Variants in GTF2H5 observed in about 807,000 individuals in gnomAD.
GTF2H5 encodes the protein TFB5 ortholog.
Under a neutral mutation model 7.1 loss-of-function variants are expected in GTF2H5, and 5 were observed. That is an observed-to-expected ratio of 0.71 (90% CI 0.37 to 1.49). GTF2H5 has a LOEUF of 1.49. Among genes scored for constraint, GTF2H5 ranks in the 40% most tolerant of loss-of-function variants. The pLI, the probability that GTF2H5 is intolerant of heterozygous loss-of-function variation, is 0.03. For missense variants in GTF2H5, 80 were observed against 83.0 expected (o/e 0.96, Z 0.14); for synonymous variants, 30 against 31.7 (o/e 0.95, Z 0.18).
chr6:158,169,580 T>TATATAATATATTGTATATTAC (rs1785765423), intron 1 of GTF2H5, among the ~76,000 whole-genome samples: 3 of 47,998 alleles, frequency 6.3e-5, no homozygotes, highest in Non-Finnish European at 1.0e-4. Flanking sequence ...TTGTATATTA[T>TATATAATATATTGTATATTAC]ATATAATATA....
Position 158,192,298 on chromosome 6 carries a change from G to A in GTF2H5, c.*141G>A. The A allele has an allele frequency of 3.1e-6, 2 of 654,304 alleles. No homozygotes were observed. Among genetic ancestry groups the A allele is most frequent in the South Asian group, 1.7e-5 (1 of 58,140 alleles). The allele number at this position is 654,304 out of a possible 1,614,324, so 40.5% of individuals were successfully genotyped here. On this transcript the variant is annotated 3_prime_UTR_variant, in exon 3 of 3. Transcript: ENST00000607778. ...AAAGACTGAGGGATCATGATCATTT[G>A]TTCAGAAAAAAAGCCCCTGAACTGA...
At chr6:158,172,763 C>T (rs550438461) in intron 2 of GTF2H5, among the ~76,000 whole-genome samples, 91 of 152,218 alleles carry the variant, frequency 6.0e-4, no homozygotes, top group Middle Eastern at 3.4e-3. Flanking sequence ...TTCTTGTTGC[C>T]TATTCTAGAA....
chr6:158,176,495 G>A (rs778269251), intron 2 of GTF2H5, among the ~76,000 whole-genome samples: 2 of 152,146 alleles, frequency 1.3e-5, no homozygotes, highest in Non-Finnish European at 2.9e-5. Flanking sequence ...AAAATGCTGG[G>A]ATTACAGATG....
At chr6:158,179,339 G>T (rs1247227791) in intron 2 of GTF2H5, among the ~76,000 whole-genome samples, 3 of 152,084 alleles carry the variant, frequency 2.0e-5, no homozygotes, top group Non-Finnish European at 4.4e-5. Flanking sequence ...GCTCTTTTTT[G>T]GTTCCATATG....
At chr6:158,169,772 A>G (rs11758356) in intron 1 of GTF2H5, among the ~76,000 whole-genome samples, 7 of 53,952 alleles carry the variant, frequency 1.3e-4, no homozygotes, top group African/African-American at 2.8e-4. Flanking sequence ...TATTATATAT[A>G]ATATATTGTA....
At chr6:158,176,370 G>A (rs1785934012) in intron 2 of GTF2H5, among the ~76,000 whole-genome samples, 1 of 152,098 alleles carries the variant, frequency 6.6e-6, no homozygotes, top group South Asian at 2.1e-4. Context: ...GGGATTACAG[G>A]TGCCTGCCAC....
chr6:158,191,982 C>T lies in GTF2H5; in HGVS notation c.41C>T (p.Pro14Leu), dbSNP rs962907167. 2 of 1,613,304 alleles carry T rather than the reference C, an allele frequency of 1.2e-6. No individual in the cohort carries two copies. The highest frequency in any genetic ancestry group is 1.7e-6 in the Non-Finnish European group (2 of 1,179,390). ...VLKGVLIECDPAMKQFLLYLD... is the reference protein window; with the variant it reads ...VLKGVLIECDLAMKQFLLYLD... The stretch of plus-strand genomic sequence containing the variant: ...TCATGTGTTTGTCTTTACAGTGATC[C>T]TGCCATGAAGCAGTTTCTGCTGTAC... The change falls in exon 3 of 3, where the codon CCT (proline) becomes CTT (leucine). Residue 14 changes from proline (P) to leucine (L), a missense_variant. By Grantham distance (98) the Pro-to-Leu change is moderately conservative. Coordinates refer to ENST00000607778, the MANE Select transcript of GTF2H5 (RefSeq NM_207118.3).
chr6:158,176,981 G>T (rs1023907883), intron 2 of GTF2H5, among the ~76,000 whole-genome samples: 2 of 152,216 alleles, frequency 1.3e-5, no homozygotes, highest in Non-Finnish European at 2.9e-5. Context: ...CCCTGGGTGG[G>T]CCAGGTGTTC....
chr6:158,182,667 C>T (rs532207769), intron 2 of GTF2H5, among the ~76,000 whole-genome samples: 3 of 151,866 alleles, frequency 2.0e-5, no homozygotes, highest in South Asian at 2.1e-4. Context: ...TTGATCAAAT[C>T]GGCTATTGAA....
chr6:158,172,642 A>G (rs111580130), intron 2 of GTF2H5, among the ~76,000 whole-genome samples: 261 of 152,118 alleles, frequency 1.7e-3, no homozygotes, highest in African/African-American at 6.0e-3. Flanking sequence ...TCATTTTGCC[A>G]AATATCTAGT....
At position 158,195,827 on chromosome 6, in the gene GTF2H5, A is replaced by G. The variant is rs1323032495; in HGVS notation, c.*3670A>G. 6.6e-6 allele frequency: 1 copy of G among 152,248 alleles called. No individual in the cohort carries two copies. The highest frequency in any genetic ancestry group is 1.5e-5 in the Non-Finnish European group (1 of 68,048). The allele number at this position is 152,248 out of a possible 1,614,324, so 9.4% of individuals were successfully genotyped here. Reference sequence around the variant, plus strand: ...CAGATGGGGAAGGGGTATATTTTAAAGATGGAGAAATGATGCAGTTTGCAA... The same window carrying G: ...CAGATGGGGAAGGGGTATATTTTAAGGATGGAGAAATGATGCAGTTTGCAA... On this transcript the variant is annotated 3_prime_UTR_variant, in exon 3 of 3. Transcript: ENST00000607778.
At position 158,169,746 on chromosome 6, in the gene GTF2H5, TATATA is replaced by T. The variant is rs1452044696; in HGVS notation, c.-34-718_-34-714del. Among the ~76,000 whole-genome samples the T allele has an allele frequency of 7.2e-4, 25 of 34,652 alleles. 4 individuals are homozygous for T. Among genetic ancestry groups the T allele is most frequent in the African/African-American group, 1.8e-3 (8 of 4,568 alleles). The allele number at this position is 34,652 out of a possible 152,430, so 22.7% of individuals were successfully genotyped here. A position where few individuals can be genotyped will look rare whatever the true frequency, so the allele number is the denominator to read the frequency against. On this transcript the variant is annotated intron_variant, in intron 1 of 2. Coordinates refer to ENST00000607778, the MANE Select transcript of GTF2H5 (RefSeq NM_207118.3). ...ATATAATATATTGTATATTATATATTATATAATATATTGTATATTATATATAATAT... is the reference window on the plus strand; with the variant it reads ...ATATAATATATTGTATATTATATATTATATATTGTATATTATATATAATAT...
chr6:158,176,739 G>A (rs970571444), intron 2 of GTF2H5, among the ~76,000 whole-genome samples: 5 of 152,138 alleles, frequency 3.3e-5, no homozygotes, highest in Non-Finnish European at 7.3e-5. Flanking sequence ...AGAGCCGAGA[G>A]CCCCGAACAG....
chr6:158,169,583 A>G, intron 1 of GTF2H5, among the ~76,000 whole-genome samples: 1 of 91,882 alleles, frequency 1.1e-5, no homozygotes, highest in South Asian at 3.1e-4. Context: ...TATATTATAT[A>G]TAATATATTG....
intron 2 of GTF2H5, among the ~76,000 whole-genome samples, chr6:158,191,546 G>C (rs946351937): frequency 6.6e-6 from 1 of 150,396 alleles, no homozygotes; most frequent in Non-Finnish European, 1.5e-5. Context: ...GCAGTGGCAC[G>C]ATCTCCGCTC....
chr6:158,176,598 T>C (rs778826723), intron 2 of GTF2H5, among the ~76,000 whole-genome samples: 1 of 152,222 alleles, frequency 6.6e-6, no homozygotes, highest in Non-Finnish European at 1.5e-5. Context: ...AATGGTTTTG[T>C]AATTGAAATA....
intron 2 of GTF2H5, chr6:158,190,788 T>C (rs1562476447): frequency 2.7e-6 from 1 of 376,866 alleles, no homozygotes. Context: ...GAGATTTTTT[T>C]CTCAAGAATT....
chr6:158,194,185 T>C lies in GTF2H5; in HGVS notation c.*2028T>C, dbSNP rs1344631497. On this transcript the variant is annotated 3_prime_UTR_variant, in exon 3 of 3. Coordinates refer to ENST00000607778, the MANE Select transcript of GTF2H5 (RefSeq NM_207118.3). ...GGTATTAGGATTTTTGCCACTGAAG[T>C]AAAAAAGAGAAAAAAAGATATTTAT... 6.6e-6 allele frequency: 1 copy of C among 151,904 alleles called. No homozygotes were observed. The highest frequency in any genetic ancestry group is 1.5e-5 in the Non-Finnish European group (1 of 67,976). 9.4% of individuals were successfully genotyped at this position (151,904 alleles called of 1,614,324 possible). A position where few individuals can be genotyped will look rare whatever the true frequency, so the allele number is the denominator to read the frequency against.
At chr6:158,179,571 T>C (rs1010110475) in intron 2 of GTF2H5, among the ~76,000 whole-genome samples, 1 of 152,204 alleles carries the variant, frequency 6.6e-6, no homozygotes, top group Non-Finnish European at 1.5e-5. Flanking sequence ...TGTTAAGTTG[T>C]ATTCCTAGGT....
Sources: allele counts gnomAD v4.1 joint callset (sites outside exome capture counted in the v4.1 genomes callset), GRCh38; gene constraint gnomAD v4.1.1; transcripts MANE v1.5; gene names NCBI Gene and HGNC (gene_info 2026-07-23, HGNC 2026-07-21).